Variants in RTN1 observed in about 807,000 individuals in gnomAD.
The protein encoded by RTN1 is reticulon-1.
RTN1 carries 25 observed loss-of-function variants against 65.5 expected under a neutral mutation model. The ratio of observed to expected loss-of-function variants is 0.38; its 90% CI spans 0.28 to 0.53. The LOEUF is 0.53. Ranked by LOEUF, RTN1 falls within the 20% of genes least tolerant of loss-of-function variation. The pLI is 0.79. For missense variants in RTN1, 983 were observed against 1,025.4 expected, an observed-to-expected ratio of 0.96 and a Z score of 0.57; for synonymous variants, 471 against 447.6, an observed-to-expected ratio of 1.05 and a Z score of -0.66.
rs560785345 is a variant in RTN1, at chr14:59,678,063, C to T, written c.1765+48856G>A. 3.4e-4 allele frequency among the ~76,000 whole-genome samples: 51 copies of T among 152,222 alleles called. 1 individual carries two copies. Among genetic ancestry groups the T allele is most frequent in the African/African-American group, 1.0e-3 (42 of 41,510 alleles). ...AAGCTATTTACAACAATGACTACCACGCTGTGGCCTGAGATGGTGAGTTTC... is the reference window on the plus strand; with the variant it reads ...AAGCTATTTACAACAATGACTACCATGCTGTGGCCTGAGATGGTGAGTTTC... On this transcript the variant is annotated intron_variant, in intron 3 of 8. Coordinates refer to ENST00000267484, the MANE Select transcript of RTN1 (RefSeq NM_021136.3).
intron 3 of RTN1, among the ~76,000 whole-genome samples, chr14:59,612,926 C>T (rs955601361): frequency 7.9e-5 from 12 of 152,202 alleles, no homozygotes; most frequent in African/African-American, 2.7e-4. Flanking sequence ...TCAGTAGCTA[C>T]GGCTTTATCT....
rs769277478 is a variant in RTN1, at chr14:59,727,107, G to C, written c.1577C>G (p.Pro526Arg). 2.1e-5 allele frequency: 34 copies of C among 1,609,914 alleles called. No homozygotes were observed. The highest frequency in any genetic ancestry group is 2.8e-5 in the Non-Finnish European group (33 of 1,178,290). The change falls in exon 3 of 9, where the codon CCC (proline) becomes CGC (arginine). Residue 526 changes from proline (P) to arginine (R), a missense_variant. Transcript: ENST00000267484. This position sits in a 1 kb window ranked among gnomAD's most constrained non-coding sequence, Gnocchi z 4.2. The part of the protein sequence containing the change: ...LAEPGSFLDY[P>R]STEPQPGPEL... Reference sequence around the variant, plus strand: ...GGGGCCAGGCTGGGGCTCAGTTGAGGGGTAGTCGAGGAAGGAACCCGGCTC... The same window carrying C: ...GGGGCCAGGCTGGGGCTCAGTTGAGCGGTAGTCGAGGAAGGAACCCGGCTC...
chr14:59,665,020 T>G (rs1883337301), intron 3 of RTN1, among the ~76,000 whole-genome samples: 1 of 152,162 alleles, frequency 6.6e-6, no homozygotes, highest in Admixed American at 6.6e-5. Context: ...TGCTTATGAC[T>G]TTAGCCATTC....
intron 2 of RTN1, among the ~76,000 whole-genome samples, chr14:59,738,166 C>T (rs1566705529): frequency 6.6e-6 from 1 of 152,154 alleles, no homozygotes; most frequent in African/African-American, 2.4e-5. Context: ...CAAATGGGAT[C>T]TAATTAACTA....
intron 1 of RTN1, among the ~76,000 whole-genome samples, chr14:59,818,411 T>C (rs538791117): frequency 6.6e-6 from 1 of 152,178 alleles, no homozygotes; most frequent in Non-Finnish European, 1.5e-5. Flanking sequence ...CCCAGGGGAC[T>C]CCTAGGAAAT....
intron 1 of RTN1, among the ~76,000 whole-genome samples, chr14:59,839,674 C>T (rs1431099800): frequency 6.6e-6 from 1 of 152,110 alleles, no homozygotes; most frequent in Non-Finnish European, 1.5e-5. Flanking sequence ...AAAAGTAATT[C>T]AAAACCTTTA....
At chr14:59,620,401 G>A (rs1882224003) in intron 3 of RTN1, among the ~76,000 whole-genome samples, 1 of 152,142 alleles carries the variant, frequency 6.6e-6, no homozygotes, top group South Asian at 2.1e-4. Flanking sequence ...TAAGGCTACT[G>A]GGTGTGTGAA....
Position 59,727,796 on chromosome 14 carries a change from T to C in RTN1, c.1016-128A>G. ...TTTGTCGTTGCTTGAGAAACACATA[T>C]CTCATTAGCACAAAAATAATCTGTT... On this transcript the variant is annotated intron_variant, in intron 2 of 8. Coordinates refer to ENST00000267484, the MANE Select transcript of RTN1 (RefSeq NM_021136.3). This position sits in a 1 kb window ranked among gnomAD's most constrained non-coding sequence, Gnocchi z 4.2. 2.3e-6 allele frequency: 3 copies of C among 1,276,730 alleles called. No homozygotes were observed. Among genetic ancestry groups the C allele is most frequent in the Non-Finnish European group, 3.1e-6 (3 of 957,726 alleles). 79.1% of individuals were successfully genotyped at this position (1,276,730 alleles called of 1,614,324 possible).
At chr14:59,667,757 C>CA (rs1883411725) in intron 3 of RTN1, among the ~76,000 whole-genome samples, 1 of 152,164 alleles carries the variant, frequency 6.6e-6, no homozygotes, top group Admixed American at 6.5e-5. Context: ...GTAACTTCAG[C>CA]AAAGTCTCAG....
At chr14:59,682,503 C>T (rs1883766194) in intron 3 of RTN1, among the ~76,000 whole-genome samples, 1 of 152,108 alleles carries the variant, frequency 6.6e-6, no homozygotes, top group Admixed American at 6.6e-5. Context: ...GACTCATGGT[C>T]ATCTTTGTAT....
chr14:59,751,003 G>A (rs1438162237), intron 1 of RTN1, among the ~76,000 whole-genome samples: 1 of 150,948 alleles, frequency 6.6e-6, no homozygotes, highest in African/African-American at 2.4e-5. Context: ...CCGGCATTGA[G>A]TCACCTCACC....
At chr14:59,862,766 G>A (rs1001341325) in intron 1 of RTN1, among the ~76,000 whole-genome samples, 2 of 152,120 alleles carry the variant, frequency 1.3e-5, no homozygotes, top group African/African-American at 4.8e-5. Context: ...TAAGCTCTAA[G>A]TGAGCCCCAA....
At chr14:59,718,157 G>C (rs889070566) in intron 3 of RTN1, among the ~76,000 whole-genome samples, 1 of 152,140 alleles carries the variant, frequency 6.6e-6, no homozygotes, top group Non-Finnish European at 1.5e-5. Flanking sequence ...TCAATGCTTT[G>C]CCTGGCCAAG....
At chr14:59,702,843 G>T (rs1270988869) in intron 3 of RTN1, among the ~76,000 whole-genome samples, 1 of 152,186 alleles carries the variant, frequency 6.6e-6, no homozygotes, top group Non-Finnish European at 1.5e-5. Context: ...GAGTCATGAG[G>T]CCTGTGGTCT....
chr14:59,746,407 T>G lies in RTN1; in HGVS notation c.316A>C (p.Thr106Pro). ...TSKDGEGSCY[T>P]SLISDICYPP... ...TAGCAGATGTCAGAAATGAGAGATG[T>G]GTAACACGATCCTTCCCCATCTTTT... is the stretch of plus-strand genomic sequence containing the variant. Residue 106 changes from threonine to proline, a missense_variant, in exon 2 of 9, where the codon ACA (threonine) becomes CCA (proline). This residue lies in a region of RTN1 where 818 missense variants were observed against 801.8 expected (regional missense o/e 1.02). Transcript: ENST00000267484. 2 of 1,613,720 alleles carry G rather than the reference T, an allele frequency of 1.2e-6. No homozygotes were observed. The highest frequency in any genetic ancestry group is 8.5e-7 in the Non-Finnish European group (1 of 1,179,764).
At chr14:59,696,087 G>A (rs1884057483) in intron 3 of RTN1, among the ~76,000 whole-genome samples, 1 of 152,050 alleles carries the variant, frequency 6.6e-6, no homozygotes, top group Non-Finnish European at 1.5e-5. Context: ...TGACTTTGTT[G>A]AAGTCAGAGC....
chr14:59,853,749 G>GT (rs1431191740), intron 1 of RTN1, among the ~76,000 whole-genome samples: 1 of 151,228 alleles, frequency 6.6e-6, no homozygotes, highest in Non-Finnish European at 1.5e-5. Context: ...AAAAATCCCT[G>GT]TTTTTTCTCT....
chr14:59,669,543 C>T (rs563632268), intron 3 of RTN1, among the ~76,000 whole-genome samples: 1 of 152,042 alleles, frequency 6.6e-6, no homozygotes, highest in East Asian at 1.9e-4. Flanking sequence ...GAACATGGGG[C>T]ATGTATACCT....
intron 1 of RTN1, among the ~76,000 whole-genome samples, chr14:59,855,792 A>C (rs1421463716): frequency 6.6e-6 from 1 of 152,186 alleles, no homozygotes; most frequent in Non-Finnish European, 1.5e-5. Flanking sequence ...TGGCAGGTGA[A>C]TTAAGTGCCA....
Sources: gnomAD v4.1 joint callset for allele counts (sites outside exome capture counted in the v4.1 genomes callset) on GRCh38, gnomAD v4.1.1 for gene constraint, gnomAD v4.1.1 regional missense constraint, Gnocchi (gnomAD v3.1) non-coding constraint, MANE v1.5 for transcripts, NCBI Gene and HGNC (gene_info 2026-07-23, HGNC 2026-07-21) for gene names.